Variants in ARIH1 observed in about 807,000 individuals in gnomAD.
ARIH1 encodes the protein ariadne RBR E3 ubiquitin protein ligase 1.
In ARIH1, 8 loss-of-function variants were observed where a neutral mutation model predicts 85.0. The ratio of observed to expected loss-of-function variants is 0.09; its 90% CI spans 0.06 to 0.17. The LOEUF (loss-of-function observed/expected upper bound fraction) is 0.17. Among genes scored for constraint, ARIH1 ranks in the 10% least tolerant of loss-of-function variants. The pLI is 1.00. For missense variants in ARIH1, 311 were observed against 718.1 expected (o/e 0.43, Z 6.48); for synonymous variants, 238 against 253.6 (o/e 0.94, Z 0.59).
chr15:72,581,046 A>G, intron 12 of ARIH1, 55 bp downstream of exon 12: 1 of 1,541,342 alleles, frequency 6.5e-7, no homozygotes, highest in African/African-American at 1.4e-5. Context: ...GGTCTACCTG[A>G]TCTTTCATAT....
At chr15:72,548,994 C>A (rs2064141304) in intron 3 of ARIH1, among the ~76,000 whole-genome samples, 1 of 151,968 alleles carries the variant, frequency 6.6e-6, no homozygotes, top group East Asian at 1.9e-4. Flanking sequence ...TAGATTCCAA[C>A]TTAATGTTTT....
rs1449718766 is a variant in ARIH1 at position 72,582,463 on chromosome 15, G to T, written c.1589+276G>T. 1.3e-5 allele frequency among the ~76,000 whole-genome samples: 2 copies of T among 152,122 alleles called. No homozygotes were observed. Among genetic ancestry groups the T allele is most frequent in the Non-Finnish European group, 2.9e-5 (2 of 68,016 alleles). Reference sequence around the variant, plus strand: ...TGCAAGGAAGAAAGAATCCAAAAAGGCCAAGTGGCCTTTAGGATGAGAGTG... The same window carrying T: ...TGCAAGGAAGAAAGAATCCAAAAAGTCCAAGTGGCCTTTAGGATGAGAGTG... On this transcript the variant is annotated intron_variant, in intron 13 of 13. Coordinates refer to ENST00000379887, the MANE Select transcript of ARIH1 (RefSeq NM_005744.5). This position sits in a 1 kb window ranked among gnomAD's most constrained non-coding sequence, Gnocchi z 4.6.
At chr15:72,488,535 G>A (rs1245647493) in intron 1 of ARIH1, among the ~76,000 whole-genome samples, 1 of 152,174 alleles carries the variant, frequency 6.6e-6, no homozygotes, top group African/African-American at 2.4e-5. Flanking sequence ...CCTATAAGAG[G>A]TTATGATATA....
chr15:72,479,911 A>C (rs1240163143), intron 1 of ARIH1, among the ~76,000 whole-genome samples: 1 of 150,642 alleles, frequency 6.6e-6, no homozygotes, highest in Non-Finnish European at 1.5e-5. Context: ...TTTGTTGCCC[A>C]GGCTGGAGTG....
At chr15:72,532,863 A>G (rs1245368691) in intron 2 of ARIH1, among the ~76,000 whole-genome samples, 2 of 152,262 alleles carry the variant, frequency 1.3e-5, no homozygotes, top group Non-Finnish European at 2.9e-5. Flanking sequence ...AGAGATGCCA[A>G]GGAGCCTTTG....
rs1287583087 is a variant in ARIH1, at chr15:72,595,991, T to C, written c.*12699T>C. On this transcript the variant is annotated 3_prime_UTR_variant, in exon 14 of 14. Coordinates refer to ENST00000379887, the MANE Select transcript of ARIH1 (RefSeq NM_005744.5). ...ACATGTCACCAAGCTCAGCTAACTT[T>C]TATATTTTTAGTAGAAACGGGGTTT... 1 of 152,034 alleles carries C rather than the reference T, an allele frequency of 6.6e-6. No homozygotes were observed. The highest frequency in any genetic ancestry group is 1.5e-5 in the Non-Finnish European group (1 of 67,998). The allele number at this position is 152,034 out of a possible 1,614,324, so 9.4% of individuals were successfully genotyped here.
chr15:72,580,479 T>C, intron 11 of ARIH1: 1 of 449,560 alleles, frequency 2.2e-6, no homozygotes, highest in Non-Finnish European at 3.9e-6. Context: ...GTGGTGGTTT[T>C]GTTTTCAGTT....
At chr15:72,573,167 G>A (rs1222586073) in intron 11 of ARIH1, among the ~76,000 whole-genome samples, 1 of 152,094 alleles carries the variant, frequency 6.6e-6, no homozygotes, top group African/African-American at 2.4e-5. Flanking sequence ...TCTTCAAAAT[G>A]TATTTCTAAT....
At chr15:72,538,967 G>A (rs1427788980) in intron 2 of ARIH1, among the ~76,000 whole-genome samples, 1 of 152,190 alleles carries the variant, frequency 6.6e-6, no homozygotes, top group Admixed American at 6.5e-5. Flanking sequence ...ACTAAGGAAA[G>A]GCTGAAGGAG....
chr15:72,532,215 G>C (rs2140417987), intron 2 of ARIH1, among the ~76,000 whole-genome samples: 1 of 149,888 alleles, frequency 6.7e-6, no homozygotes, highest in South Asian at 2.1e-4. Context: ...ATGAGGTTAG[G>C]AAAAAGAGAG....
chr15:72,483,800 A>T (rs369139680), intron 1 of ARIH1, among the ~76,000 whole-genome samples: 1 of 146,912 alleles, frequency 6.8e-6, no homozygotes, highest in Non-Finnish European at 1.5e-5. Context: ...CAGTTTACTG[A>T]TTTTTTTTTT....
intron 2 of ARIH1, among the ~76,000 whole-genome samples, chr15:72,534,717 A>G (rs559432885): frequency 6.6e-6 from 1 of 151,656 alleles, no homozygotes; most frequent in East Asian, 1.9e-4. Context: ...TCAAAGCCAT[A>G]CTCCCCGGAT....
rs112043697 is a variant in ARIH1 at position 72,516,917 on chromosome 15, A to G, written c.376-1150A>G. ...ATATGAGATAAAAATAAGCAGACAC[A>G]TGTTTGAGTTCCACTTCTGCTATTG... On this transcript the variant is annotated intron_variant, in intron 1 of 13. Coordinates refer to ENST00000379887, the MANE Select transcript of ARIH1 (RefSeq NM_005744.5). Among the ~76,000 whole-genome samples, 30 of 152,262 alleles carry G rather than the reference A, an allele frequency of 2.0e-4. 1 individual carries two copies. In the Middle Eastern group the frequency reaches 0.02, roughly 104 times the overall value.
intron 1 of ARIH1, among the ~76,000 whole-genome samples, chr15:72,478,722 A>G (rs891439791): frequency 3.9e-5 from 6 of 152,182 alleles, no homozygotes; most frequent in Non-Finnish European, 8.8e-5. Context: ...CCTTCTAGTG[A>G]TAACCAAACC....
chr15:72,487,422 G>A (rs1008705908), intron 1 of ARIH1, among the ~76,000 whole-genome samples: 5 of 152,140 alleles, frequency 3.3e-5, no homozygotes, highest in African/African-American at 1.2e-4. Context: ...ACTAGAAACC[G>A]AGAAGTATTA....
intron 1 of ARIH1, among the ~76,000 whole-genome samples, chr15:72,513,933 T>C (rs111322128): frequency 0.037 from 5,401 of 145,828 alleles, 308 homozygotes; most frequent in African/African-American, 0.13. Context: ...TGGAGTGCAG[T>C]GGTGTGATCA....
Position 72,498,961 on chromosome 15 carries a change from A to ATTTTTTTTTTTTTTTT in ARIH1, c.376-19084_376-19069dup, listed in dbSNP as rs535261674. Among the ~76,000 whole-genome samples, 7 of 88,450 alleles carry ATTTTTTTTTTTTTTTT rather than the reference A, an allele frequency of 7.9e-5. 2 individuals carry two copies. Among genetic ancestry groups the ATTTTTTTTTTTTTTTT allele is most frequent in the Admixed American group, 2.6e-4 (2 of 7,784 alleles). 58.0% of individuals were successfully genotyped at this position (88,450 alleles called of 152,430 possible). On this transcript the variant is annotated intron_variant, in intron 1 of 13. Coordinates refer to ENST00000379887, the MANE Select transcript of ARIH1 (RefSeq NM_005744.5). ...TTATGTCGTTTGCACCTTTTCATAA[A>ATTTTTTTTTTTTTTTT]TTTTTTTTTTTTTTTTTTTTTTTTT...
At chr15:72,557,231 T>G (rs1221664503) in intron 5 of ARIH1, among the ~76,000 whole-genome samples, 1 of 152,152 alleles carries the variant, frequency 6.6e-6, no homozygotes, top group East Asian at 1.9e-4. Flanking sequence ...GTTGAGCATT[T>G]TTTTGTACCT....
chr15:72,474,715 G>A lies in ARIH1; in HGVS notation c.76G>A (p.Glu26Lys). The change falls in exon 1 of 14, where the codon GAG becomes AAG. Residue 26 changes from glutamate to lysine, a missense_variant. Physicochemically the swap from Glu to Lys is moderately conservative, Grantham distance 56 (BLOSUM62 1). This residue lies in a region of ARIH1 where 157 missense variants were observed against 185.1 expected (regional missense o/e 0.85). Transcript: ENST00000379887. ...CAGTGAGGAGGACAGCGGCGCCGAG[G>A]AGGAGGAGGACGAAGACGACGACGA... ...ECSEEDSGAE[E>K]EEDEDDDEPD... The A allele has an allele frequency of 6.4e-7, 1 of 1,566,900 alleles. No individual in the cohort carries two copies. Among genetic ancestry groups the A allele is most frequent in the Non-Finnish European group, 8.6e-7 (1 of 1,157,926 alleles).
Sources: allele counts gnomAD v4.1 joint callset (sites outside exome capture counted in the v4.1 genomes callset), GRCh38; gene constraint gnomAD v4.1.1; regional missense constraint gnomAD v4.1.1; non-coding constraint Gnocchi (gnomAD v3.1); transcripts MANE v1.5; gene names NCBI Gene and HGNC (gene_info 2026-07-23, HGNC 2026-07-21).